CD86: variants seen among roughly 807,000 people sequenced by gnomAD.
CD86 encodes the protein T-lymphocyte activation antigen CD86.
Under a neutral mutation model 32.1 loss-of-function variants are expected in CD86, and 11 were observed. The ratio of observed to expected loss-of-function variants is 0.34; its 90% CI spans 0.22 to 0.57. CD86 has a LOEUF of 0.57. Ranked by LOEUF, CD86 falls within the 20% of genes least tolerant of loss-of-function variation. CD86 has a pLI of 0.86. For missense variants in CD86, 359 were observed against 398.4 expected, an observed-to-expected ratio of 0.90 and a Z score of 0.84; for synonymous variants, 137 against 135.3, an observed-to-expected ratio of 1.01 and a Z score of -0.09.
intron 5 of CD86, among the ~76,000 whole-genome samples, chr3:122,111,340 A>G (rs1023629356): frequency 2.6e-5 from 4 of 152,244 alleles, no homozygotes; most frequent in Non-Finnish European, 4.4e-5. Flanking sequence ...TGTGATAGGT[A>G]AAATAATGCC....
intron 6 of CD86, 125 bp downstream of exon 6, chr3:122,118,218 G>A: frequency 2.6e-6 from 2 of 760,884 alleles, no homozygotes; most frequent in South Asian, 1.6e-5. Flanking sequence ...GAGAGGGAGA[G>A]GAAAATAAAA....
At position 122,120,161 on chromosome 3, in the gene CD86, G is replaced by T. The variant is rs1303376188; in HGVS notation, c.*627G>T. On this transcript the variant is annotated 3_prime_UTR_variant, in exon 7 of 7. Transcript: ENST00000330540. The stretch of plus-strand genomic sequence containing the variant: ...TGGCCTAGGGTACAGGCAACAATGA[G>T]CAGACCAACCTAAATTTGGGGAAAT... 6.6e-6 allele frequency: 1 copy of T among 152,274 alleles called. No individual in the cohort carries two copies. The highest frequency in any genetic ancestry group is 2.4e-5 in the African/African-American group (1 of 41,448). 9.4% of individuals were successfully genotyped at this position (152,274 alleles called of 1,614,324 possible).
intron 1 of CD86, among the ~76,000 whole-genome samples, chr3:122,077,601 G>A (rs2072572247): frequency 1.3e-5 from 2 of 152,236 alleles, no homozygotes; most frequent in South Asian, 4.1e-4. Context: ...GAACTGAACT[G>A]CATTTTCATC....
chr3:122,104,733 C>T (rs769931156), intron 3 of CD86, among the ~76,000 whole-genome samples: 5 of 152,238 alleles, frequency 3.3e-5, no homozygotes, highest in East Asian at 1.9e-4. Flanking sequence ...TTTCGTTTAG[C>T]GCGCCTTCGA....
intron 1 of CD86, among the ~76,000 whole-genome samples, chr3:122,084,853 A>T (rs1576769058): frequency 6.6e-6 from 1 of 152,210 alleles, no homozygotes; most frequent in Admixed American, 6.5e-5. Flanking sequence ...CTACCTCTTC[A>T]TGGGAGGAGG....
chr3:122,114,930 G>A (rs1382560103), intron 5 of CD86, among the ~76,000 whole-genome samples: 2 of 152,174 alleles, frequency 1.3e-5, no homozygotes, highest in East Asian at 3.8e-4. Context: ...CATGATAGAA[G>A]ACTGATTGCT....
chr3:122,080,063 G>T (rs2072609823), intron 1 of CD86, among the ~76,000 whole-genome samples: 1 of 152,120 alleles, frequency 6.6e-6, no homozygotes, highest in South Asian at 2.1e-4. Flanking sequence ...ACAGTATGGG[G>T]AGAGAAGGCC....
chr3:122,116,455 G>A (rs1487041682), intron 5 of CD86, among the ~76,000 whole-genome samples: 1 of 152,072 alleles, frequency 6.6e-6, no homozygotes, highest in Non-Finnish European at 1.5e-5. Flanking sequence ...ACACCCTCTA[G>A]AATGGCTAAA....
intron 1 of CD86, among the ~76,000 whole-genome samples, chr3:122,059,129 C>T (rs2072285728): frequency 6.6e-6 from 1 of 152,012 alleles, no homozygotes; most frequent in Admixed American, 6.6e-5. Flanking sequence ...GATGTCCAAG[C>T]AGACAAGTAG....
chr3:122,098,019 C>T (rs1478367906), intron 2 of CD86, among the ~76,000 whole-genome samples: 1 of 152,204 alleles, frequency 6.6e-6, no homozygotes, highest in African/African-American at 2.4e-5. Flanking sequence ...CATGCACTGA[C>T]TGTGCACCAA....
At chr3:122,070,968 T>C (rs900628290) in intron 1 of CD86, among the ~76,000 whole-genome samples, 4 of 152,196 alleles carry the variant, frequency 2.6e-5, no homozygotes, top group African/African-American at 9.6e-5. Context: ...ATTAACAGAC[T>C]TTACTTATTT....
intron 1 of CD86, among the ~76,000 whole-genome samples, chr3:122,069,549 A>G (rs1414777552): frequency 6.6e-6 from 1 of 152,142 alleles, no homozygotes; most frequent in Admixed American, 6.6e-5. Context: ...GGTGCTCTGG[A>G]TGTAGTCTTG....
At chr3:122,106,840 G>GCGCACA (rs1553754159) in intron 4 of CD86, among the ~76,000 whole-genome samples, 1 of 143,476 alleles carries the variant, frequency 7.0e-6, no homozygotes, top group East Asian at 2.0e-4. Flanking sequence ...ACATGCGCTT[G>GCGCACA]CACACACACA....
At chr3:122,091,243 C>T (rs753501065) in intron 1 of CD86, among the ~76,000 whole-genome samples, 7 of 152,104 alleles carry the variant, frequency 4.6e-5, no homozygotes, top group Non-Finnish European at 8.8e-5. Context: ...TGAGACTTTG[C>T]GATTTTCTAG....
chr3:122,070,811 G>A (rs571384803), intron 1 of CD86, among the ~76,000 whole-genome samples: 2 of 152,288 alleles, frequency 1.3e-5, no homozygotes, highest in East Asian at 3.9e-4. Context: ...TTCCAAGGGT[G>A]CAACATAGGG....
At chr3:122,062,263 A>T (rs1307455279) in intron 1 of CD86, among the ~76,000 whole-genome samples, 2 of 152,116 alleles carry the variant, frequency 1.3e-5, no homozygotes, top group Non-Finnish European at 1.5e-5. Context: ...TATACTACTG[A>T]TTGTGGGAAT....
rs763986131 is a variant in CD86 at position 122,106,321 on chromosome 3, C to T, written c.524C>T (p.Thr175Ile). The T allele has an allele frequency of 6.2e-7, 1 of 1,613,962 alleles. No homozygotes were observed. ...EPKKMSVLLR[T>I]KNSTIEYDGV... Reference sequence around the variant, plus strand: ...AAGAAGATGAGTGTTTTGCTAAGAACCAAGAATTCAACTATCGAGTATGAT... The same window carrying T: ...AAGAAGATGAGTGTTTTGCTAAGAATCAAGAATTCAACTATCGAGTATGAT... Residue 175 changes from threonine (T) to isoleucine (I), a missense_variant, in exon 4 of 7, where the codon ACC becomes ATC. Thr to Ile is a moderately conservative substitution (Grantham distance 89, BLOSUM62 -1). Coordinates refer to ENST00000330540, the MANE Select transcript of CD86 (RefSeq NM_175862.5).
chr3:122,057,623 AC>A (rs1213810059), intron 1 of CD86, among the ~76,000 whole-genome samples: 7 of 152,240 alleles, frequency 4.6e-5, no homozygotes, highest in Non-Finnish European at 8.8e-5. Flanking sequence ...TTTAAAAAAA[AC>A]AATAGCTGGT....
At chr3:122,064,806 G>T (rs889052690) in intron 1 of CD86, among the ~76,000 whole-genome samples, 1 of 152,148 alleles carries the variant, frequency 6.6e-6, no homozygotes, top group Admixed American at 6.5e-5. Flanking sequence ...GAATATTTTA[G>T]GACTATTATA....
Sources: gnomAD v4.1 joint callset for allele counts (sites outside exome capture counted in the v4.1 genomes callset) on GRCh38, gnomAD v4.1.1 for gene constraint, MANE v1.5 for transcripts, NCBI Gene and HGNC (gene_info 2026-07-23, HGNC 2026-07-21) for gene names.